FMNL2: variants seen among roughly 807,000 people sequenced by gnomAD.
FMNL2 encodes the protein formin like 2, also known as formin-like protein 2.
In FMNL2, 51 loss-of-function variants were observed where a neutral mutation model predicts 130.2. That is an observed-to-expected ratio of 0.39 (90% CI 0.31 to 0.49). FMNL2 has a LOEUF of 0.49. Among genes scored for constraint, FMNL2 ranks in the 20% least tolerant of loss-of-function variants. FMNL2 has a pLI of 0.85. For synonymous variants in FMNL2, 465 were observed against 467.1 expected (o/e 1.00, Z 0.06); for missense variants, 977 against 1,316.2 (o/e 0.74, Z 3.99).
chr2:152,443,090 G>C (rs897303671), intron 1 of FMNL2, among the ~76,000 whole-genome samples: 4 of 152,198 alleles, frequency 2.6e-5, no homozygotes, highest in Non-Finnish European at 5.9e-5. Context: ...AGAAAAGTGA[G>C]TCTGTCCAGA....
chr2:152,440,837 A>C (rs1233192152), intron 1 of FMNL2, among the ~76,000 whole-genome samples: 4 of 152,216 alleles, frequency 2.6e-5, no homozygotes, highest in Non-Finnish European at 4.4e-5. Context: ...TGATGAAAAC[A>C]CTACTTATGA....
rs55762721 is a variant in FMNL2, at chr2:152,577,944, C to T, written c.706-944C>T. On this transcript the variant is annotated intron_variant, in intron 7 of 25. Coordinates refer to ENST00000288670, the MANE Select transcript of FMNL2 (RefSeq NM_052905.4). The stretch of plus-strand genomic sequence containing the variant: ...GTATCAAGAGAGGTTTTTATTGTTA[C>T]TTAAGATAATTTGCATTTTTTATGC... Among the ~76,000 whole-genome samples the T allele has an allele frequency of 8.2e-3, 1,252 of 152,166 alleles. 12 individuals are homozygous for T. The highest frequency in any genetic ancestry group is 0.014 in the Non-Finnish European group (946 of 68,014).
chr2:152,482,151 T>C (rs1690561410), intron 1 of FMNL2, among the ~76,000 whole-genome samples: 1 of 152,166 alleles, frequency 6.6e-6, no homozygotes, highest in Non-Finnish European at 1.5e-5. Context: ...TATAAAAGTT[T>C]CAAATTCCTA....
intron 1 of FMNL2, among the ~76,000 whole-genome samples, chr2:152,389,652 C>G (rs912357640): frequency 6.6e-6 from 1 of 152,202 alleles, no homozygotes; most frequent in Non-Finnish European, 1.5e-5. Context: ...GCGCAGACCT[C>G]AGGACGTGGA....
intron 9 of FMNL2, among the ~76,000 whole-genome samples, chr2:152,600,385 A>G (rs998700590): frequency 6.6e-6 from 1 of 152,244 alleles, no homozygotes; most frequent in East Asian, 1.9e-4. Flanking sequence ...TAGCCATCTC[A>G]TAAGAGTCAG....
rs1553488328 is a variant in FMNL2, at chr2:152,619,552, G to GCCCCCCCCCCCCCCC, written c.1676_1677insCCCCCCCCCCCCCCC (p.Pro569_Pro573dup). 2.8e-6 allele frequency: 4 copies of GCCCCCCCCCCCCCCC among 1,417,842 alleles called. No homozygotes were observed. Among genetic ancestry groups the GCCCCCCCCCCCCCCC allele is most frequent in the African/African-American group, 1.7e-5 (1 of 58,876 alleles). The allele number at this position is 1,417,842 out of a possible 1,614,324, so 87.8% of individuals were successfully genotyped here. A position where few individuals can be genotyped will look rare whatever the true frequency, so the allele number is the denominator to read the frequency against. ...CACCACCTATGCCACCGCCGCCGCCGCCCCCTCCTCCACCTCCTCCTCCCC... is the reference window on the plus strand; with the variant it reads ...CACCACCTATGCCACCGCCGCCGCCGCCCCCCCCCCCCCCCCCCCCTCCTCCACCTCCTCCTCCCC... On this transcript the variant is annotated inframe_insertion, in exon 15 of 26. Transcript: ENST00000288670.
At chr2:152,539,039 C>A (rs1694160792) in intron 2 of FMNL2, among the ~76,000 whole-genome samples, 4 of 152,106 alleles carry the variant, frequency 2.6e-5, no homozygotes, top group African/African-American at 9.7e-5. Flanking sequence ...TTCCATTACC[C>A]ACACTTTTAA....
chr2:152,514,940 C>T (rs1416766654), intron 1 of FMNL2, among the ~76,000 whole-genome samples: 1 of 152,070 alleles, frequency 6.6e-6, no homozygotes, highest in Non-Finnish European at 1.5e-5. Context: ...AGTAACATTA[C>T]CACCATCCTC....
intron 1 of FMNL2, among the ~76,000 whole-genome samples, chr2:152,375,865 CTCTCTCTCTCTCTA>C (rs1248951081): frequency 1.8e-5 from 2 of 112,528 alleles, no homozygotes; most frequent in Non-Finnish European, 3.5e-5. Context: ...CTCTCTCTCT[CTCTCTCTCTCTCTA>C]TATATATATA....
chr2:152,384,523 G>A (rs1684674760), intron 1 of FMNL2, among the ~76,000 whole-genome samples: 1 of 152,150 alleles, frequency 6.6e-6, no homozygotes, highest in Admixed American at 6.5e-5. Context: ...TGAGAGGGCA[G>A]GAGAGTACTC....
At position 152,629,917 on chromosome 2, in the gene FMNL2, A is replaced by G. The variant is rs1682051555; in HGVS notation, c.2550+12A>G. The G allele has an allele frequency of 1.3e-6, 2 of 1,595,986 alleles. No individual in the cohort carries two copies. Among genetic ancestry groups the G allele is most frequent in the East Asian group, 2.2e-5 (1 of 44,482 alleles). ...AGAGTTTAGATCTGGTGAGTGGACT[A>G]AAAGAAATTTGAGAGCTGTTTGAAG... On this transcript the variant is annotated intron_variant, in intron 20 of 25. Transcript: ENST00000288670.
chr2:152,560,815 A>T, intron 5 of FMNL2, 68 bp from the exon 6 acceptor site: 1 of 1,451,610 alleles, frequency 6.9e-7, no homozygotes, highest in South Asian at 1.3e-5. Flanking sequence ...ACAGCAAGTT[A>T]TACATGTTCG....
Position 152,365,187 on chromosome 2 carries a change from G to A in FMNL2, c.117+29467G>A, listed in dbSNP as rs575999514. Among the ~76,000 whole-genome samples the A allele has an allele frequency of 2.6e-5, 4 of 152,290 alleles. No individual in the cohort carries two copies. In the East Asian group the frequency reaches 5.8e-4, roughly 22 times the overall value. On this transcript the variant is annotated intron_variant, in intron 1 of 25. Coordinates refer to ENST00000288670, the MANE Select transcript of FMNL2 (RefSeq NM_052905.4). ...ATGCTCTTTGGAGGCAGAGATTGACGAGGAATTAGAAAAGGAACTTAAGGA... is the reference window on the plus strand; with the variant it reads ...ATGCTCTTTGGAGGCAGAGATTGACAAGGAATTAGAAAAGGAACTTAAGGA...
At chr2:152,513,762 G>C (rs1692608448) in intron 1 of FMNL2, among the ~76,000 whole-genome samples, 1 of 152,142 alleles carries the variant, frequency 6.6e-6, no homozygotes. Flanking sequence ...GATGTTACTA[G>C]ATTAGGGAGA....
intron 1 of FMNL2, among the ~76,000 whole-genome samples, chr2:152,413,169 T>A (rs968536474): frequency 3.3e-5 from 5 of 152,184 alleles, no homozygotes; most frequent in African/African-American, 1.2e-4. Flanking sequence ...ACTAGGACAC[T>A]AGGACAATGA....
chr2:152,576,470 C>T (rs1020085949), intron 7 of FMNL2, among the ~76,000 whole-genome samples: 9 of 152,120 alleles, frequency 5.9e-5, no homozygotes, highest in African/African-American at 2.2e-4. Context: ...CCTCTTAAGT[C>T]ATGTAAATAG....
chr2:152,345,099 G>A (rs1185329462), intron 1 of FMNL2, among the ~76,000 whole-genome samples: 1 of 152,286 alleles, frequency 6.6e-6, no homozygotes, highest in East Asian at 1.9e-4. Context: ...GAGGATAGTA[G>A]CAATTATTGT....
Position 152,466,245 on chromosome 2 carries a change from C to T in FMNL2, c.118-55698C>T, listed in dbSNP as rs145103692. ...CGGACACCACGTGTGCCCTCCTGCC[C>T]GCTGCGGGGGAGGACATGCCCCTGA... On this transcript the variant is annotated intron_variant, in intron 1 of 25. Coordinates refer to ENST00000288670, the MANE Select transcript of FMNL2 (RefSeq NM_052905.4). Among the ~76,000 whole-genome samples, 864 of 152,282 alleles carry T rather than the reference C, an allele frequency of 5.7e-3. 5 individuals carry two copies. The highest frequency in any genetic ancestry group is 6.3e-3 in the Non-Finnish European group (428 of 68,032).
chr2:152,337,158 T>G (rs771653133), intron 1 of FMNL2, among the ~76,000 whole-genome samples: 11 of 152,170 alleles, frequency 7.2e-5, no homozygotes, highest in Non-Finnish European at 1.5e-4. Flanking sequence ...GCTTTGCATC[T>G]CCTGTGATCT....
Sources: gnomAD v4.1 joint callset for allele counts (sites outside exome capture counted in the v4.1 genomes callset) on GRCh38, gnomAD v4.1.1 for gene constraint, MANE v1.5 for transcripts, NCBI Gene and HGNC (gene_info 2026-07-23, HGNC 2026-07-21) for gene names.